LINGO2: variants seen among roughly 807,000 people sequenced by gnomAD.
LINGO2 encodes the protein leucine rich repeat and Ig domain containing 2, also known as leucine-rich repeat and immunoglobulin-like domain-containing nogo receptor-interacting protein 2.
In LINGO2, 14 loss-of-function variants were observed where a neutral mutation model predicts 30.6. That is an observed-to-expected ratio of 0.46 (90% confidence interval 0.30 to 0.72). The LOEUF (loss-of-function observed/expected upper bound fraction) is 0.72. Ranked by LOEUF, LINGO2 falls within the 30% of genes least tolerant of loss-of-function variation. LINGO2 has a pLI of 0.07. For missense variants in LINGO2, 729 were observed against 751.7 expected (o/e 0.97, Z 0.35); for synonymous variants, 317 against 288.5 (o/e 1.10, Z -1.00).
intron 3 of LINGO2, among the ~76,000 whole-genome samples, chr9:28,319,605 T>C (rs779142388): frequency 2.0e-5 from 3 of 152,118 alleles, no homozygotes; most frequent in Non-Finnish European, 1.5e-5. Flanking sequence ...TTTATGACAC[T>C]AAATAAAAGT....
chr9:28,855,412 G>C, the LINGO2 span, among the ~76,000 whole-genome samples: 3 of 151,958 alleles, frequency 2.0e-5, no homozygotes, highest in Admixed American at 6.6e-5. Flanking sequence ...CTGTTTAGGT[G>C]TATTTTGCTT....
intron 4 of LINGO2, among the ~76,000 whole-genome samples, chr9:28,061,947 C>T (rs1243932825): frequency 6.6e-6 from 1 of 151,918 alleles, no homozygotes; most frequent in African/African-American, 2.4e-5. Flanking sequence ...CAGTGCCTGG[C>T]AATATTACTA....
At chr9:28,108,173 A>G (rs1826655859) in intron 4 of LINGO2, among the ~76,000 whole-genome samples, 3 of 152,160 alleles carry the variant, frequency 2.0e-5, no homozygotes, top group Admixed American at 2.0e-4. Context: ...TCTCGCAGCT[A>G]CAATACCCAG....
Position 28,263,978 on chromosome 9 carries a change from T to C in LINGO2, c.-87+31230A>G, listed in dbSNP as rs554902221. 2.6e-5 allele frequency among the ~76,000 whole-genome samples: 4 copies of C among 152,052 alleles called. No homozygotes were observed. In the East Asian group the frequency reaches 7.8e-4, roughly 30 times the overall value. ...TATGATTATTATTTGTTACTTAAAATGACCTACAATGGATGAAACTCTTTC... is the reference window on the plus strand; with the variant it reads ...TATGATTATTATTTGTTACTTAAAACGACCTACAATGGATGAAACTCTTTC... On this transcript the variant is annotated intron_variant, in intron 4 of 5. Transcript: ENST00000379992.
intron 2 of LINGO2, among the ~76,000 whole-genome samples, chr9:28,377,216 C>T (rs889003533): frequency 1.3e-5 from 2 of 152,136 alleles, no homozygotes; most frequent in Non-Finnish European, 2.9e-5. Flanking sequence ...ACCTCTTCTG[C>T]CTCTGCCATG....
chr9:28,967,261 C>G, the LINGO2 span, among the ~76,000 whole-genome samples: 1 of 151,992 alleles, frequency 6.6e-6, no homozygotes, highest in African/African-American at 2.4e-5. Context: ...AACACAGTTC[C>G]CAAATAATTA....
At chr9:28,205,334 A>AGAT (rs1820373039) in intron 4 of LINGO2, among the ~76,000 whole-genome samples, 1 of 152,174 alleles carries the variant, frequency 6.6e-6, no homozygotes, top group African/African-American at 2.4e-5. Flanking sequence ...CCTTTCCCCC[A>AGAT]GATATTTACA....
At chr9:28,275,863 G>T (rs1242766666) in intron 4 of LINGO2, among the ~76,000 whole-genome samples, 7 of 152,130 alleles carry the variant, frequency 4.6e-5, no homozygotes, top group Admixed American at 4.6e-4. Context: ...ATTCAAGCTT[G>T]ACCTGATCCT....
chr9:28,643,432 CTT>C (rs1827696081), intron 1 of LINGO2, among the ~76,000 whole-genome samples: 1 of 151,966 alleles, frequency 6.6e-6, no homozygotes. Context: ...CAAGAACACA[CTT>C]GGGAAAAGAC....
intron 1 of LINGO2, among the ~76,000 whole-genome samples, chr9:28,565,748 G>A (rs1264925034): frequency 6.6e-6 from 1 of 151,170 alleles, no homozygotes; most frequent in Non-Finnish European, 1.5e-5. Flanking sequence ...TAGAGACGGG[G>A]TTTCACCATG....
intron 4 of LINGO2, among the ~76,000 whole-genome samples, chr9:28,049,896 G>A (rs944979150): frequency 1.3e-5 from 2 of 150,692 alleles, no homozygotes; most frequent in African/African-American, 2.5e-5. Context: ...AGAGCAACAT[G>A]ATCAGGGTTG....
At chr9:28,710,399 T>G in the LINGO2 span, among the ~76,000 whole-genome samples, 1 of 152,136 alleles carries the variant, frequency 6.6e-6, no homozygotes, top group South Asian at 2.1e-4. Flanking sequence ...CCAAATGGAC[T>G]GACATCTTAT....
chr9:28,185,802 G>A (rs1220756082), intron 4 of LINGO2, among the ~76,000 whole-genome samples: 1 of 152,032 alleles, frequency 6.6e-6, no homozygotes, highest in Non-Finnish European at 1.5e-5. Context: ...ACATTATTCT[G>A]AACCAGTTAT....
Position 28,584,550 on chromosome 9 carries a change from CA to C in LINGO2, c.-365+85649del, listed in dbSNP as rs573068142. On this transcript the variant is annotated intron_variant, in intron 1 of 5. Coordinates refer to ENST00000379992, the Ensembl canonical transcript of LINGO2. Reference sequence around the variant, plus strand: ...TTGTTGAATATAGTAAGGAATTGACCAAAAAAAAATTATCCCTGTGTCGAAA... The same window carrying C: ...TTGTTGAATATAGTAAGGAATTGACCAAAAAAAATTATCCCTGTGTCGAAA... Among the ~76,000 whole-genome samples, 797 of 150,744 alleles carry C rather than the reference CA, an allele frequency of 5.3e-3. 4 individuals are homozygous for C. Among genetic ancestry groups the C allele is most frequent in the Non-Finnish European group, 8.0e-3 (541 of 67,586 alleles).
At chr9:29,207,062 T>TATGTAC in the LINGO2 span, among the ~76,000 whole-genome samples, 2 of 151,830 alleles carry the variant, frequency 1.3e-5, no homozygotes, top group African/African-American at 4.8e-5. Context: ...TAAATATACA[T>TATGTAC]ATGTACATAC....
the LINGO2 span, among the ~76,000 whole-genome samples, chr9:28,695,698 T>A: frequency 6.7e-6 from 1 of 148,940 alleles, no homozygotes; most frequent in Non-Finnish European, 1.5e-5. Context: ...TATTGTTGAA[T>A]GAACACAGCA....
chr9:28,336,897 A>G (rs1825608582), intron 3 of LINGO2, among the ~76,000 whole-genome samples: 1 of 151,958 alleles, frequency 6.6e-6, no homozygotes. Flanking sequence ...AAAAATCACA[A>G]AGACAATTTT....
chr9:28,012,724 G>A (rs1013007077), intron 4 of LINGO2, among the ~76,000 whole-genome samples: 3 of 152,056 alleles, frequency 2.0e-5, no homozygotes, highest in Non-Finnish European at 2.9e-5. Context: ...TTCTCAAGAT[G>A]ATCATTTTTG....
intron 4 of LINGO2, among the ~76,000 whole-genome samples, chr9:28,040,635 T>C (rs1048126467): frequency 5.3e-5 from 8 of 152,166 alleles, no homozygotes; most frequent in African/African-American, 1.4e-4. Flanking sequence ...CTGTTGGCTA[T>C]AATACATTGA....
Sources: allele counts gnomAD v4.1 joint callset (sites outside exome capture counted in the v4.1 genomes callset), GRCh38; gene constraint gnomAD v4.1.1; transcripts MANE v1.5; gene names NCBI Gene and HGNC (gene_info 2026-07-23, HGNC 2026-07-21).